Variants in PDGFD observed in about 807,000 individuals in gnomAD.
PDGFD encodes the protein platelet-derived growth factor D.
Under a neutral mutation model 44.7 loss-of-function variants are expected in PDGFD, and 30 were observed. That is an observed-to-expected ratio of 0.67 (90% confidence interval 0.50 to 0.91). PDGFD has a LOEUF of 0.91. PDGFD is among the 40% of genes least tolerant of loss of function. The pLI is 0.00. For synonymous variants in PDGFD, 173 were observed against 168.4 expected (o/e 1.03, Z -0.21); for missense variants, 445 against 457.8 (o/e 0.97, Z 0.25).
chr11:104,131,511 TAGA>T (rs112754337), intron 1 of PDGFD, among the ~76,000 whole-genome samples: 7,299 of 152,164 alleles, frequency 0.048, 276 homozygotes, highest in African/African-American at 0.1. Context: ...ATCACTAAAA[TAGA>T]AGATCTATGA....
At chr11:104,040,741 T>C (rs260810) in intron 1 of PDGFD, among the ~76,000 whole-genome samples, 2,143 of 152,052 alleles carry the variant, frequency 0.014, 52 homozygotes, top group African/African-American at 0.049. Context: ...ACAAACTACA[T>C]TTTACATTGT....
intron 3 of PDGFD, among the ~76,000 whole-genome samples, chr11:103,955,205 A>AAAAAAAAAAAAAAAAAAAAAAAAC (rs1858823388): frequency 7.5e-6 from 1 of 133,206 alleles, no homozygotes. Context: ...AAAAAAAAAA[A>AAAAAAAAAAAAAAAAAAAAAAAAC]AAAACAGTAA....
intron 1 of PDGFD, among the ~76,000 whole-genome samples, chr11:104,016,082 T>A (rs895316238): frequency 6.6e-6 from 1 of 152,244 alleles, no homozygotes; most frequent in Non-Finnish European, 1.5e-5. Context: ...ACATGCTTAA[T>A]GAATCTGCTG....
Position 103,909,249 on chromosome 11 carries a change from T to C in PDGFD, c.*445A>G, listed in dbSNP as rs1056206. ...AAGAGAGCAAGATTCAAAATTGTTT[T>C]GTGTTTCAAAATTTAAAAATAAATT... On this transcript the variant is annotated 3_prime_UTR_variant, in exon 7 of 7. Coordinates refer to ENST00000393158, the MANE Select transcript of PDGFD (RefSeq NM_025208.5). The C allele has an allele frequency of 0.47, 71,583 of 152,726 alleles. 16,978 individuals carry two copies. The highest frequency in any genetic ancestry group is 0.52 in the African/African-American group (21,634 of 41,478). The allele number at this position is 152,726 out of a possible 1,614,324, so 9.5% of individuals were successfully genotyped here. A position where few individuals can be genotyped will look rare whatever the true frequency, so the allele number is the denominator to read the frequency against.
intron 1 of PDGFD, among the ~76,000 whole-genome samples, chr11:104,161,202 A>T (rs1037633676): frequency 6.6e-6 from 1 of 152,228 alleles, no homozygotes; most frequent in African/African-American, 2.4e-5. Flanking sequence ...GCAATCTGAG[A>T]GCCAGGTCTT....
intron 1 of PDGFD, among the ~76,000 whole-genome samples, chr11:104,062,555 G>A (rs191316914): frequency 1.2e-4 from 19 of 152,264 alleles, no homozygotes; most frequent in Admixed American, 3.9e-4. Context: ...CTCAGAATAC[G>A]TTAGGAATAA....
At chr11:104,066,834 T>C (rs1860797599) in intron 1 of PDGFD, among the ~76,000 whole-genome samples, 1 of 152,150 alleles carries the variant, frequency 6.6e-6, no homozygotes, top group Admixed American at 6.5e-5. Context: ...TTAGCTTCAA[T>C]ATTATTTTCT....
chr11:104,118,273 C>G (rs965679501), intron 1 of PDGFD, among the ~76,000 whole-genome samples: 5 of 151,436 alleles, frequency 3.3e-5, no homozygotes, highest in Admixed American at 2.6e-4. Flanking sequence ...GGAATTAGTC[C>G]CCTTATAAGA....
intron 1 of PDGFD, among the ~76,000 whole-genome samples, chr11:104,144,507 C>CAAAAAAAAAAAA (rs201864924): frequency 1.8e-3 from 134 of 73,784 alleles, no homozygotes; most frequent in African/African-American, 8.0e-3. Flanking sequence ...ACTCCGTCAC[C>CAAAAAAAAAAAA]AAAAAAAAAA....
chr11:103,926,368 A>G (rs1858314868), intron 6 of PDGFD, among the ~76,000 whole-genome samples: 1 of 152,160 alleles, frequency 6.6e-6, no homozygotes, highest in African/African-American at 2.4e-5. Flanking sequence ...CTATTTTTGC[A>G]TAATCCAAGA....
At chr11:104,088,804 C>A (rs1387790110) in intron 1 of PDGFD, among the ~76,000 whole-genome samples, 1 of 152,070 alleles carries the variant, frequency 6.6e-6, no homozygotes, top group African/African-American at 2.4e-5. Context: ...ATGTTCTCAG[C>A]TGGGTAAGCA....
chr11:104,051,276 A>G (rs1050349818), intron 1 of PDGFD, among the ~76,000 whole-genome samples: 1 of 152,200 alleles, frequency 6.6e-6, no homozygotes, highest in African/African-American at 2.4e-5. Context: ...ATTAATTTTA[A>G]TGGTATTGAC....
chr11:104,102,295 G>A (rs891414285), intron 1 of PDGFD, among the ~76,000 whole-genome samples: 2 of 152,156 alleles, frequency 1.3e-5, no homozygotes, highest in Non-Finnish European at 2.9e-5. Flanking sequence ...CTCAAAAGAA[G>A]ACATTTATGC....
At chr11:104,142,106 C>T (rs1357888904) in intron 1 of PDGFD, among the ~76,000 whole-genome samples, 1 of 152,082 alleles carries the variant, frequency 6.6e-6, no homozygotes, top group Non-Finnish European at 1.5e-5. Flanking sequence ...ATAATACATA[C>T]ATATATATCA....
intron 4 of PDGFD, among the ~76,000 whole-genome samples, chr11:103,945,174 A>G (rs1304047142): frequency 6.6e-6 from 1 of 152,156 alleles, no homozygotes; most frequent in Non-Finnish European, 1.5e-5. Flanking sequence ...GCCATGTTAA[A>G]GATGTCCTCT....
At chr11:103,979,370 C>T (rs552791625) in intron 3 of PDGFD, among the ~76,000 whole-genome samples, 1 of 152,158 alleles carries the variant, frequency 6.6e-6, no homozygotes, top group African/African-American at 2.4e-5. Flanking sequence ...ATTTCCAGAT[C>T]AGCTTCTCTT....
At chr11:104,090,794 C>T (rs985652176) in intron 1 of PDGFD, among the ~76,000 whole-genome samples, 1 of 152,112 alleles carries the variant, frequency 6.6e-6, no homozygotes. Flanking sequence ...TTGTGTCTCA[C>T]ATCTGAGGCA....
At chr11:103,985,700 T>A (rs1028320655) in intron 3 of PDGFD, among the ~76,000 whole-genome samples, 1 of 149,234 alleles carries the variant, frequency 6.7e-6, no homozygotes, top group African/African-American at 2.6e-5. Context: ...GAAACTAGAA[T>A]GTTAGGCTGT....
At chr11:103,939,644 T>C (rs1055670652) in intron 5 of PDGFD, among the ~76,000 whole-genome samples, 1 of 152,080 alleles carries the variant, frequency 6.6e-6, no homozygotes. Flanking sequence ...ATTTAAGGAG[T>C]ATTTATGTAG....
Sources: allele counts gnomAD v4.1 joint callset (sites outside exome capture counted in the v4.1 genomes callset), GRCh38; gene constraint gnomAD v4.1.1; transcripts MANE v1.5; gene names NCBI Gene and HGNC (gene_info 2026-07-23, HGNC 2026-07-21).